The following PHEX variants were observed in gnomAD, a reference collection of about 807,000 sequenced individuals.
PHEX encodes the protein phosphate-regulating neutral endopeptidase PHEX.
PHEX carries 16 observed loss-of-function variants against 68.0 expected under a neutral mutation model. The observed-to-expected ratio is 0.24, with a 90% confidence interval of 0.16 to 0.36. The LOEUF is 0.36. Among genes scored for constraint, PHEX ranks in the 10% least tolerant of loss-of-function variants. The probability of loss-of-function intolerance (pLI) is 1.00; values close to 1 mark genes in which losing one functional copy is unlikely to be tolerated. For missense variants in PHEX, 480 were observed against 575.5 expected (o/e 0.83, Z 1.70); for synonymous variants, 208 against 205.1 (o/e 1.01, Z -0.12).
chrX:22,038,281 C>T (rs1205031343), intron 1 of PHEX, among the ~76,000 whole-genome samples, 188 bp from the exon 2 acceptor site: 1 of 111,726 alleles, frequency 9.0e-6, no homozygotes, highest in Non-Finnish European at 1.9e-5. Context: ...AACCAAGAGT[C>T]TTACCAAGGT....
chrX:22,147,651 C>A (rs1396284816), intron 12 of PHEX, among the ~76,000 whole-genome samples: 1 of 110,283 alleles, frequency 9.1e-6, no homozygotes, highest in African/African-American at 3.3e-5. Context: ...GGAGAAACAG[C>A]CTGATACCAA....
chrX:22,124,024 G>T (rs1602315220), intron 11 of PHEX, among the ~76,000 whole-genome samples: 1 of 109,145 alleles, frequency 9.2e-6, no homozygotes, highest in African/African-American at 3.3e-5. Context: ...GTAGAGATGG[G>T]GTTTCACTGT....
chrX:22,140,021 A>G (rs1376330329), intron 12 of PHEX, among the ~76,000 whole-genome samples: 1 of 110,915 alleles, frequency 9.0e-6, no homozygotes, highest in Non-Finnish European at 1.9e-5. Flanking sequence ...CCCCACCCCT[A>G]GAATTTCTGA....
chrX:22,235,913 T>C (rs1205401130), intron 20 of PHEX, among the ~76,000 whole-genome samples: 1 of 111,040 alleles, frequency 9.0e-6, no homozygotes, highest in Non-Finnish European at 1.9e-5. Context: ...AGAACTACAG[T>C]GGCTCCCAAA....
chrX:22,065,777 C>G (rs1447382251), intron 3 of PHEX, among the ~76,000 whole-genome samples: 3 of 112,010 alleles, frequency 2.7e-5, no homozygotes, highest in Non-Finnish European at 3.8e-5. Context: ...CATTTGTTTT[C>G]TCTACTGTCT....
At chrX:22,154,937 G>T (rs981839287) in intron 12 of PHEX, among the ~76,000 whole-genome samples, 7 of 111,929 alleles carry the variant, frequency 6.3e-5, no homozygotes, top group African/African-American at 2.3e-4. Flanking sequence ...ATTGAGACGG[G>T]GTCTCGCTCC....
At chrX:22,216,475 G>A (rs946830025) in intron 16 of PHEX, among the ~76,000 whole-genome samples, 3 of 101,057 alleles carry the variant, frequency 3.0e-5, no homozygotes, top group African/African-American at 1.1e-4. Context: ...TTAAAAGGGC[G>A]AGTTTATTTT....
chrX:22,104,291 G>C (rs1216231263), intron 9 of PHEX, among the ~76,000 whole-genome samples: 1 of 111,055 alleles, frequency 9.0e-6, no homozygotes, highest in Non-Finnish European at 1.9e-5. Flanking sequence ...GGTAGGTGGT[G>C]CATGGTACAG....
intron 16 of PHEX, 89 bp downstream of exon 16, chrX:22,213,047 T>C: frequency 1.4e-6 from 1 of 732,868 alleles, no homozygotes; most frequent in Non-Finnish European, 2.2e-6. Context: ...AGTCAAAGGT[T>C]ATTCAGCAGA....
At chrX:22,131,042 A>G (rs929876837) in intron 11 of PHEX, among the ~76,000 whole-genome samples, 2 of 106,993 alleles carry the variant, frequency 1.9e-5, no homozygotes, top group African/African-American at 3.4e-5. Flanking sequence ...TGTCAGTATT[A>G]TTTTTTTTTT....
At chrX:22,089,214 G>T in intron 5 of PHEX, among the ~76,000 whole-genome samples, 1 of 111,250 alleles carries the variant, frequency 9.0e-6, no homozygotes, top group South Asian at 3.8e-4. Context: ...TAGAGACTGG[G>T]TTTTACCGTG....
intron 12 of PHEX, among the ~76,000 whole-genome samples, chrX:22,139,506 C>T (rs1368413729): frequency 1.8e-5 from 2 of 111,065 alleles, no homozygotes; most frequent in East Asian, 5.6e-4. Context: ...GTTAAAGTCT[C>T]GCTCTGTTGC....
chrX:22,131,999 C>T (rs1467417148), intron 11 of PHEX, among the ~76,000 whole-genome samples: 1 of 112,462 alleles, frequency 8.9e-6, no homozygotes, highest in Non-Finnish European at 1.9e-5. Flanking sequence ...CAGGCACGTA[C>T]ATCCTCACTA....
intron 9 of PHEX, among the ~76,000 whole-genome samples, chrX:22,103,469 CCT>C (rs1489519464): frequency 4.5e-5 from 5 of 110,683 alleles, no homozygotes; most frequent in African/African-American, 1.3e-4. Context: ...CCACTCTCCC[CCT>C]GAGTCCCCAA....
In PHEX at chrX:22,077,617, C is replaced by T. The variant is rs769066725; in HGVS notation, c.578C>T (p.Thr193Met). The stretch of plus-strand genomic sequence containing the variant: ...TTCAGCCTTCTGCAGACACTTGCAA[C>T]GTTTCGTGGTCAATACAGCAATTCT... ...RKFSLLQTLA[T>M]FRGQYSNSVF... Residue 193 changes from threonine to methionine, a missense_variant, in exon 5 of 22, where the codon ACG (threonine) becomes ATG (methionine). Transcript: ENST00000379374. 8 of 1,210,745 alleles carry T rather than the reference C, an allele frequency of 6.6e-6. No individual in the cohort carries two copies. Among genetic ancestry groups the T allele is most frequent in the East Asian group, 3.0e-5 (1 of 33,816 alleles).
intron 12 of PHEX, chrX:22,163,089 C>T (rs1363632106): frequency 8.9e-6 from 1 of 111,823 alleles, no homozygotes; most frequent in Non-Finnish European, 1.9e-5. Context: ...AAAGATGCTG[C>T]TAAACATCCT....
chrX:22,177,564 ATG>A (rs1248368208), intron 13 of PHEX, among the ~76,000 whole-genome samples: 1 of 111,746 alleles, frequency 8.9e-6, no homozygotes, highest in Non-Finnish European at 1.9e-5. Context: ...AAAAGCAATT[ATG>A]TCTGTTTCCT....
chrX:22,074,415 G>T (rs1032235561), intron 3 of PHEX, among the ~76,000 whole-genome samples: 1 of 110,590 alleles, frequency 9.0e-6, no homozygotes. Context: ...ATTTGTGCAT[G>T]GTTAGTGTTT....
At position 22,251,234 on chromosome X, in the gene PHEX, T is replaced by G. The variant is rs1349317183; in HGVS notation, c.*3281T>G. ...TATATCTAAATGGTTATTCTGAGAC[T>G]GGTTGTATTTTCTTCTCCTACTCGT... On this transcript the variant is annotated 3_prime_UTR_variant, in exon 22 of 22. Transcript: ENST00000379374. 1 of 112,785 alleles carries G rather than the reference T, an allele frequency of 8.9e-6. No individual in the cohort carries two copies. Among genetic ancestry groups the G allele is most frequent in the Admixed American group, 9.4e-5 (1 of 10,637 alleles). 9.3% of individuals were successfully genotyped at this position (112,785 alleles called of 1,213,427 possible). A position where few individuals can be genotyped will look rare whatever the true frequency, so the allele number is the denominator to read the frequency against.
Sources: gnomAD v4.1 joint callset for allele counts (sites outside exome capture counted in the v4.1 genomes callset) on GRCh38, gnomAD v4.1.1 for gene constraint, MANE v1.5 for transcripts, NCBI Gene and HGNC (gene_info 2026-07-23, HGNC 2026-07-21) for gene names.